The following TMC8 variants were observed in gnomAD, a reference collection of about 807,000 sequenced individuals.
The protein encoded by TMC8 is transmembrane channel like 8.
In TMC8, 71 loss-of-function variants were observed where a neutral mutation model predicts 76.0. The ratio of observed to expected loss-of-function variants is 0.93; its 90% CI spans 0.77 to 1.14. TMC8 has a LOEUF of 1.14. Among genes scored for constraint, TMC8 ranks in the 50% most tolerant of loss-of-function variants. The probability of loss-of-function intolerance (pLI) is 0.00; values close to 1 mark genes in which losing one functional copy is unlikely to be tolerated. For missense variants in TMC8, 924 were observed against 947.9 expected (o/e 0.97, Z 0.33); for synonymous variants, 433 against 433.8 (o/e 1.00, Z 0.02).
chr17:78,135,037 T>G, intron 9 of TMC8, 28 bp downstream of exon 9: 3 of 1,613,684 alleles, frequency 1.9e-6, no homozygotes, highest in Non-Finnish European at 2.5e-6. Flanking sequence ...TGGGGACAAG[T>G]GGGCATGTAA....
Position 78,139,058 on chromosome 17 carries a change from C to T in TMC8, c.1824-104C>T, listed in dbSNP as rs778562235. The T allele has an allele frequency of 1.5e-5, 23 of 1,581,738 alleles. No individual in the cohort carries two copies. The South Asian group carries it at 2.4e-4, about 17-fold the overall frequency. ...ATACAGCAGTGTGCAGTGAGAAGAC[C>T]CCAGTACCGCGTATTGTAGAGATTG... On this transcript the variant is annotated intron_variant, in intron 14 of 15. Transcript: ENST00000318430.
At chr17:78,132,930 A>T (rs1216654251) in intron 5 of TMC8, 60 bp downstream of exon 5, 12 of 1,571,226 alleles carry the variant, frequency 7.6e-6, no homozygotes, top group Non-Finnish European at 1.1e-5. Context: ...AACTGGCTTC[A>T]GGGGACACAA....
rs1424312885 is a variant in TMC8, at chr17:78,131,597, G to A, written c.9G>A (p.Leu3=). 2 of 1,546,440 alleles carry A rather than the reference G, an allele frequency of 1.3e-6. No individual in the cohort carries two copies. ...TACCCGTGCCCGCCGAGATGCTGCT[G>A]CCGCGGTCGGTGTCATCGGAGCGGG... ML[L]PRSVSSERAP... is the part of the protein sequence containing the mutation. The change falls in exon 2 of 16, where the codon CTG becomes CTA. Residue 3 remains leucine, a synonymous_variant. Coordinates refer to ENST00000318430, the MANE Select transcript of TMC8 (RefSeq NM_152468.5).
Position 78,131,341 on chromosome 17 carries a change from A to C in TMC8, c.-248A>C. Reference sequence around the variant, plus strand: ...GAGAGTTGGAGCGGGGCTGGGCCCGAATTCGACCGCAGCAGGATTCTCTCT... The same window carrying C: ...GAGAGTTGGAGCGGGGCTGGGCCCGCATTCGACCGCAGCAGGATTCTCTCT... On this transcript the variant is annotated 5_prime_UTR_variant, in exon 2 of 16. Coordinates refer to ENST00000318430, the MANE Select transcript of TMC8 (RefSeq NM_152468.5). 2.4e-5 allele frequency: 14 copies of C among 591,576 alleles called. No homozygotes were observed. Among genetic ancestry groups the C allele is most frequent in the Admixed American group, 3.0e-5 (1 of 33,574 alleles). The allele number at this position is 591,576 out of a possible 1,614,324, so 36.6% of individuals were successfully genotyped here.
At chr17:78,131,775 G>GA in intron 2 of TMC8, 38 bp downstream of exon 2, 1 of 1,556,530 alleles carries the variant, frequency 6.4e-7, no homozygotes, top group Non-Finnish European at 8.7e-7. Flanking sequence ...GCGTGGGGGG[G>GA]GTGCTGCGAG....
Position 78,138,655 on chromosome 17 carries a change from G to GCTCC in TMC8, c.1748_1751dup (p.Ile586AlafsTer226). The GCTCC allele has an allele frequency of 2.5e-6, 4 of 1,613,802 alleles. No individual in the cohort carries two copies. The highest frequency in any genetic ancestry group is 3.4e-6 in the Non-Finnish European group (4 of 1,180,034). On this transcript the variant is annotated frameshift_variant, in exon 14 of 16. Transcript: ENST00000318430. LOFTEE classifies it high-confidence loss of function. ...TGGTCCCGGAGCTGGTGGCCCTTGG[G>GCTCC]CTCCCGCCCATTGGCCAGCGTGCCC...
intron 12 of TMC8, 36 bp downstream of exon 12, chr17:78,138,224 C>T (rs967472019): frequency 4.3e-6 from 7 of 1,613,396 alleles, no homozygotes; most frequent in South Asian, 1.1e-5. Context: ...GGGGTTCGTG[C>T]CTCTGGGTGG....
chr17:78,131,417 C>T lies in TMC8; in HGVS notation c.-172C>T. On this transcript the variant is annotated 5_prime_UTR_variant, in exon 2 of 16. Transcript: ENST00000318430. ...AGCGGCAGACCCGGGCAAGTGAACCCTAGGGCTGCAGGAGCCCAGGCCCCG... is the reference window on the plus strand; with the variant it reads ...AGCGGCAGACCCGGGCAAGTGAACCTTAGGGCTGCAGGAGCCCAGGCCCCG... 1 of 893,674 alleles carries T rather than the reference C, an allele frequency of 1.1e-6. No individual in the cohort carries two copies. Among genetic ancestry groups the T allele is most frequent in the East Asian group, 2.6e-5 (1 of 37,774 alleles). The allele number at this position is 893,674 out of a possible 1,614,324, so 55.4% of individuals were successfully genotyped here.
intron 11 of TMC8, 84 bp from the exon 12 acceptor site, chr17:78,137,921 G>T (rs1221563619): frequency 9.4e-6 from 15 of 1,601,328 alleles, no homozygotes; most frequent in Non-Finnish European, 1.3e-5. Flanking sequence ...GAGCCCGGGA[G>T]TAAGTGGCAG....
In TMC8 at chr17:78,141,185, G is replaced by A; in HGVS notation, c.*73G>A. 9.0e-7 allele frequency: 1 copy of A among 1,113,926 alleles called. No homozygotes were observed. Among genetic ancestry groups the A allele is most frequent in the South Asian group, 1.7e-5 (1 of 58,598 alleles). The allele number at this position is 1,113,926 out of a possible 1,614,324, so 69.0% of individuals were successfully genotyped here. On this transcript the variant is annotated 3_prime_UTR_variant, in exon 16 of 16. Coordinates refer to ENST00000318430, the MANE Select transcript of TMC8 (RefSeq NM_152468.5). ...CCTTACTCCATCTTCCAGACCCCTGGCGACCACCGCCCCTCTCAGTGGCTC... is the reference window on the plus strand; with the variant it reads ...CCTTACTCCATCTTCCAGACCCCTGACGACCACCGCCCCTCTCAGTGGCTC...
At chr17:78,134,247 G>A (rs1489667468) in intron 7 of TMC8, 147 bp from the exon 8 acceptor site, 2 of 1,111,476 alleles carry the variant, frequency 1.8e-6, no homozygotes, top group East Asian at 4.9e-5. Context: ...GTGAATCTGA[G>A]TGTCTATGGG....
rs900139392 is a variant in TMC8, at chr17:78,131,640, C to T, written c.52C>T (p.Pro18Ser). Residue 18 changes from proline to serine, a missense_variant, in exon 2 of 16, where the codon CCG becomes TCG. Transcript: ENST00000318430. ...SSERAPGVPE[P>S]EELWEAEMER... ...GGAGCGGGCCCCTGGGGTGCCGGAG[C>T]CGGAGGAGCTGTGGGAGGCAGAGAT... 13 of 1,556,814 alleles carry T rather than the reference C, an allele frequency of 8.4e-6. No individual in the cohort carries two copies. The highest frequency in any genetic ancestry group is 2.6e-6 in the Non-Finnish European group (3 of 1,151,634).
intron 4 of TMC8, 26 bp downstream of exon 4, chr17:78,132,534 G>A (rs1416343270): frequency 6.3e-7 from 1 of 1,599,498 alleles, no homozygotes; most frequent in Non-Finnish European, 8.5e-7. Flanking sequence ...ACCAGGGGAA[G>A]TGCTCCGGTG....
intron 6 of TMC8, 94 bp from the exon 7 acceptor site, chr17:78,133,759 G>T (rs1458495643): frequency 3.1e-5 from 49 of 1,586,436 alleles, no homozygotes; most frequent in Non-Finnish European, 4.1e-5. Context: ...ACCTGGGGCT[G>T]CAGGGGCCTT....
At chr17:78,132,206 C>A (rs578180734) in intron 3 of TMC8, 153 bp from the exon 4 acceptor site, 1 of 1,371,876 alleles carries the variant, frequency 7.3e-7, no homozygotes, top group African/African-American at 1.4e-5. Flanking sequence ...GCCCACGCAG[C>A]ACCCCCAGGT....
rs767113547 is a variant in TMC8 at position 78,133,898 on chromosome 17, T to G, written c.714T>G (p.Tyr238Ter). 6.2e-7 allele frequency: 1 copy of G among 1,613,478 alleles called. No individual in the cohort carries two copies. Among genetic ancestry groups the G allele is most frequent in the Non-Finnish European group, 8.5e-7 (1 of 1,180,042 alleles). Residue 238 changes from tyrosine (Y) to a stop codon, truncating the protein, a stop_gained, in exon 7 of 16, where the codon TAT becomes TAG. Coordinates refer to ENST00000318430, the MANE Select transcript of TMC8 (RefSeq NM_152468.5). LOFTEE classifies it high-confidence loss of function. ...LPQKTLLGQGYQAPLSAKVFS... is the reference protein window; with the variant it reads ...LPQKTLLGQG ...AGAAGACTCTGCTGGGTCAGGGCTA[T>G]CAGGCGCCTCTCAGCGCCAAGGTCT...
In TMC8 at chr17:78,131,897, C is replaced by G. The variant is rs1366890047; in HGVS notation, c.165C>G (p.Pro55=). Residue 55 remains proline, a synonymous_variant, in exon 3 of 16, where the codon CCC becomes CCG. Coordinates refer to ENST00000318430, the MANE Select transcript of TMC8 (RefSeq NM_152468.5). Reference sequence around the variant, plus strand: ...CCCCGTCCAGGCAGCTGCGGGAGCCCGCGGGGGTGCAGACCTTGCGCTGGC... The same window carrying G: ...CCCCGTCCAGGCAGCTGCGGGAGCCGGCGGGGGTGCAGACCTTGCGCTGGC... ...DKRLIWQLRE[P]AGVQTLRWQR... 1 of 1,468,302 alleles carries G rather than the reference C, an allele frequency of 6.8e-7. No homozygotes were observed. The highest frequency in any genetic ancestry group is 9.0e-7 in the Non-Finnish European group (1 of 1,116,596). 91.0% of individuals were successfully genotyped at this position (1,468,302 alleles called of 1,614,324 possible). A position where few individuals can be genotyped will look rare whatever the true frequency, so the allele number is the denominator to read the frequency against.
chr17:78,137,482 C>T, intron 10 of TMC8, 124 bp downstream of exon 10: 2 of 1,537,748 alleles, frequency 1.3e-6, no homozygotes, highest in Non-Finnish European at 1.8e-6. Context: ...AGCAGGGCTG[C>T]CTGCACCGCC....
rs2075389463 is a variant in TMC8, at chr17:78,142,505, C to G, written c.*1393C>G. The G allele has an allele frequency of 6.6e-6, 1 of 152,376 alleles. No homozygotes were observed. The highest frequency in any genetic ancestry group is 2.1e-4 in the South Asian group (1 of 4,836). 9.4% of individuals were successfully genotyped at this position (152,376 alleles called of 1,614,324 possible). A position where few individuals can be genotyped will look rare whatever the true frequency, so the allele number is the denominator to read the frequency against. ...CAGTTCCGCCTCTCCCACGGCCGTC[C>G]TTGTCTCACCCAGCATCACGACGCA... On this transcript the variant is annotated 3_prime_UTR_variant, in exon 16 of 16. Transcript: ENST00000318430.
Sources: gnomAD v4.1 joint callset for allele counts on GRCh38, gnomAD v4.1.1 for gene constraint, MANE v1.5 for transcripts, NCBI Gene and HGNC (gene_info 2026-07-23, HGNC 2026-07-21) for gene names.